Variants in NEGR1 observed in about 807,000 individuals in gnomAD.
NEGR1 encodes the protein neuronal growth regulator 1.
Under a neutral mutation model 40.9 loss-of-function variants are expected in NEGR1, and 10 were observed. The ratio of observed to expected loss-of-function variants is 0.24; its 90% CI spans 0.15 to 0.42. NEGR1 has a LOEUF of 0.42. Ranked by LOEUF, NEGR1 falls within the 10% of genes least tolerant of loss-of-function variation. The pLI is 1.00. For synonymous variants in NEGR1, 185 were observed against 166.8 expected (o/e 1.11, Z -0.84); for missense variants, 352 against 438.9 (o/e 0.80, Z 1.77).
chr1:71,793,954 T>G (rs187547814), intron 2 of NEGR1, among the ~76,000 whole-genome samples: 16 of 152,236 alleles, frequency 1.1e-4, no homozygotes, highest in Admixed American at 3.9e-4. Flanking sequence ...AATTGTGAAA[T>G]GTGAGGCATA....
chr1:72,163,764 A>AGATAGATAGATAGATAGATT lies in NEGR1; in HGVS notation c.176+118554_176+118555insAATCTATCTATCTATCTATC, dbSNP rs3080237. Among the ~76,000 whole-genome samples, 135 of 144,026 alleles carry AGATAGATAGATAGATAGATT rather than the reference A, an allele frequency of 9.4e-4. 6 individuals carry two copies. The highest frequency in any genetic ancestry group is 1.4e-3 in the East Asian group (7 of 5,060). 94.5% of individuals were successfully genotyped at this position (144,026 alleles called of 152,430 possible). A position where few individuals can be genotyped will look rare whatever the true frequency, so the allele number is the denominator to read the frequency against. Reference sequence around the variant, plus strand: ...TAGATAGATAGATAGATAGATAGATATAGATTTAGATATGTTTAAGTTCTT... The same window carrying AGATAGATAGATAGATAGATT: ...TAGATAGATAGATAGATAGATAGATAGATAGATAGATAGATAGATTTAGATTTAGATATGTTTAAGTTCTT... On this transcript the variant is annotated intron_variant, in intron 1 of 6. Coordinates refer to ENST00000357731, the MANE Select transcript of NEGR1 (RefSeq NM_173808.3).
intron 3 of NEGR1, among the ~76,000 whole-genome samples, chr1:71,734,769 A>G (rs1430959603): frequency 6.6e-6 from 1 of 152,222 alleles, no homozygotes; most frequent in Non-Finnish European, 1.5e-5. Flanking sequence ...CATTAAATTC[A>G]TCAGTGCCCT....
At chr1:71,959,799 AT>A (rs991164596) in intron 1 of NEGR1, among the ~76,000 whole-genome samples, 1 of 151,980 alleles carries the variant, frequency 6.6e-6, no homozygotes, top group Non-Finnish European at 1.5e-5. Flanking sequence ...TTATATTATT[AT>A]TTTTTCAATG....
intron 3 of NEGR1, among the ~76,000 whole-genome samples, chr1:71,705,698 C>T (rs955032692): frequency 3.4e-5 from 5 of 146,390 alleles, no homozygotes; most frequent in South Asian, 4.3e-4. Context: ...CCAGCCTGGG[C>T]GACAGAGTGA....
In NEGR1 at chr1:71,670,332, T is replaced by C. The variant is rs12080153; in HGVS notation, c.667+27676A>G. Among the ~76,000 whole-genome samples, 1,034 of 152,180 alleles carry C rather than the reference T, an allele frequency of 6.8e-3. 12 individuals carry two copies. The highest frequency in any genetic ancestry group is 0.023 in the African/African-American group (970 of 41,544). On this transcript the variant is annotated intron_variant, in intron 4 of 6. Coordinates refer to ENST00000357731, the MANE Select transcript of NEGR1 (RefSeq NM_173808.3). Reference sequence around the variant, plus strand: ...CCTTGTTAATGTTCTTTTGAAGATATTGTGTGTGTGTTTGTGTGTGTGTGT... The same window carrying C: ...CCTTGTTAATGTTCTTTTGAAGATACTGTGTGTGTGTTTGTGTGTGTGTGT...
At chr1:71,806,814 C>T (rs1657787331) in intron 2 of NEGR1, among the ~76,000 whole-genome samples, 1 of 151,264 alleles carries the variant, frequency 6.6e-6, no homozygotes. Flanking sequence ...TCTTTTGGAA[C>T]TAATAAGTTT....
intron 6 of NEGR1, among the ~76,000 whole-genome samples, chr1:71,540,121 G>A (rs1250947535): frequency 7.2e-6 from 1 of 139,174 alleles, no homozygotes; most frequent in Non-Finnish European, 1.5e-5. Context: ...GCTAAAGACT[G>A]ACTTTCATAA....
At chr1:72,218,021 A>T (rs1351718282) in intron 1 of NEGR1, among the ~76,000 whole-genome samples, 1 of 151,876 alleles carries the variant, frequency 6.6e-6, no homozygotes, top group Non-Finnish European at 1.5e-5. Context: ...GAAATTCTTT[A>T]TACAGTAAAA....
At chr1:71,514,444 G>T (rs1280049984) in intron 6 of NEGR1, among the ~76,000 whole-genome samples, 1 of 97,528 alleles carries the variant, frequency 1.0e-5, no homozygotes, top group Non-Finnish European at 2.0e-5. Flanking sequence ...TAACTGGGAG[G>T]CACCCCCCAG....
chr1:71,618,581 T>G (rs1344096537), intron 4 of NEGR1, among the ~76,000 whole-genome samples: 2 of 152,070 alleles, frequency 1.3e-5, no homozygotes, highest in Non-Finnish European at 2.9e-5. Flanking sequence ...ACTGTCTAGT[T>G]GCAAGAAAAC....
chr1:71,509,109 T>C (rs1174382284), intron 6 of NEGR1, among the ~76,000 whole-genome samples: 3 of 152,082 alleles, frequency 2.0e-5, no homozygotes, highest in Non-Finnish European at 4.4e-5. Context: ...AATGCCTGGG[T>C]CGAATGGATC....
chr1:72,097,781 CATATA>C (rs1326553114), intron 1 of NEGR1, among the ~76,000 whole-genome samples: 1 of 152,134 alleles, frequency 6.6e-6, no homozygotes, highest in Non-Finnish European at 1.5e-5. Context: ...AGCTGCTTTA[CATATA>C]ATATTGGCCT....
intron 1 of NEGR1, among the ~76,000 whole-genome samples, chr1:72,076,724 G>A (rs541656215): frequency 1.3e-5 from 2 of 151,894 alleles, no homozygotes; most frequent in Middle Eastern, 3.4e-3. Flanking sequence ...GCGTGCACAC[G>A]CGCACACACA....
intron 2 of NEGR1, among the ~76,000 whole-genome samples, chr1:71,927,778 G>GT (rs1645788861): frequency 7.7e-6 from 1 of 130,560 alleles, no homozygotes; most frequent in Non-Finnish European, 1.6e-5. Context: ...GAGCCCAGGC[G>GT]TTTGAGACCA....
chr1:71,653,567 T>C (rs1396908029), intron 4 of NEGR1, among the ~76,000 whole-genome samples: 1 of 152,206 alleles, frequency 6.6e-6, no homozygotes, highest in Non-Finnish European at 1.5e-5. Context: ...CACCCTTATC[T>C]GATTACTAGT....
intron 6 of NEGR1, chr1:71,487,891 C>T (rs1646898508): frequency 6.6e-6 from 1 of 151,626 alleles, no homozygotes; most frequent in South Asian, 2.1e-4. Context: ...CTTTGAAATA[C>T]ACATTTTCTA....
chr1:71,887,691 T>C (rs1448050908), intron 2 of NEGR1, among the ~76,000 whole-genome samples: 1 of 152,150 alleles, frequency 6.6e-6, no homozygotes, highest in African/African-American at 2.4e-5. Flanking sequence ...CTATATATTA[T>C]TGTTAACTGA....
chr1:72,260,174 G>C (rs1046118705), intron 1 of NEGR1, among the ~76,000 whole-genome samples: 11 of 151,998 alleles, frequency 7.2e-5, no homozygotes, highest in African/African-American at 2.7e-4. Context: ...AGTCACATTA[G>C]AAAGTGAAAG....
intron 2 of NEGR1, among the ~76,000 whole-genome samples, chr1:71,796,465 A>C (rs1049904423): frequency 2.6e-5 from 4 of 152,208 alleles, no homozygotes. Context: ...CATTTTCATC[A>C]AATTCAAATA....
Sources: allele counts gnomAD v4.1 joint callset (sites outside exome capture counted in the v4.1 genomes callset), GRCh38; gene constraint gnomAD v4.1.1; transcripts MANE v1.5; gene names NCBI Gene and HGNC (gene_info 2026-07-23, HGNC 2026-07-21).